The following SMYD3 variants were observed in gnomAD, a reference collection of about 807,000 sequenced individuals.
SMYD3 encodes SET and MYND domain containing 3, also known as histone-lysine N-methyltransferase SMYD3.
Under a neutral mutation model 57.7 loss-of-function variants are expected in SMYD3, and 36 were observed. The ratio of observed to expected loss-of-function variants is 0.62; its 90% confidence interval spans 0.48 to 0.82. The LOEUF (loss-of-function observed/expected upper bound fraction) is 0.82, where lower values mean the gene tolerates loss of function less well. SMYD3 is among the 40% of genes least tolerant of loss of function. SMYD3 has a pLI of 0.00. For synonymous variants in SMYD3, 211 were observed against 195.0 expected, an observed-to-expected ratio of 1.08 and a Z score of -0.68; for missense variants, 515 against 538.8, an observed-to-expected ratio of 0.96 and a Z score of 0.44.
At chr1:246,380,955 T>C (rs994164064) in intron 1 of SMYD3, among the ~76,000 whole-genome samples, 5 of 152,174 alleles carry the variant, frequency 3.3e-5, no homozygotes, top group African/African-American at 1.2e-4. Flanking sequence ...GTCAGATGGA[T>C]GCTCAATTCG....
At chr1:245,957,491 G>T in intron 5 of SMYD3, among the ~76,000 whole-genome samples, 1 of 152,162 alleles carries the variant, frequency 6.6e-6, no homozygotes, top group Non-Finnish European at 1.5e-5. Flanking sequence ...GTTTCTCTCA[G>T]CATGCACTTC....
intron 1 of SMYD3, among the ~76,000 whole-genome samples, chr1:246,494,851 A>G (rs1366326073): frequency 6.6e-6 from 1 of 152,218 alleles, no homozygotes; most frequent in African/African-American, 2.4e-5. Flanking sequence ...TAAACAGAAC[A>G]TGCTAATGTC....
intron 7 of SMYD3, among the ~76,000 whole-genome samples, chr1:245,918,584 G>C (rs2055624278): frequency 1.3e-5 from 2 of 152,202 alleles, no homozygotes; most frequent in African/African-American, 4.8e-5. Context: ...ACCTATACCA[G>C]GCAAGTTCCT....
At chr1:246,223,848 T>C (rs1339250785) in intron 5 of SMYD3, among the ~76,000 whole-genome samples, 1 of 152,194 alleles carries the variant, frequency 6.6e-6, no homozygotes, top group Non-Finnish European at 1.5e-5. Context: ...AATTACAATA[T>C]GCTGGAATTG....
At chr1:246,239,852 CA>C (rs2063576921) in intron 5 of SMYD3, among the ~76,000 whole-genome samples, 1 of 152,120 alleles carries the variant, frequency 6.6e-6, no homozygotes, top group South Asian at 2.1e-4. Context: ...TGATGATGAG[CA>C]CTTTTTATGT....
intron 5 of SMYD3, among the ~76,000 whole-genome samples, chr1:246,256,491 T>C (rs2063897069): frequency 1.3e-5 from 2 of 152,358 alleles, no homozygotes; most frequent in South Asian, 4.1e-4. Context: ...TAATAGTCTC[T>C]GAGGATCTTT....
chr1:246,090,117 T>A (rs1464662991), intron 5 of SMYD3, among the ~76,000 whole-genome samples: 1 of 152,106 alleles, frequency 6.6e-6, no homozygotes, highest in Admixed American at 6.5e-5. Context: ...AAGAATAAGG[T>A]GAAACTGTCT....
At position 246,273,575 on chromosome 1, in the gene SMYD3, C is replaced by CTTTTTTTTTTT. The variant is rs75025399; in HGVS notation, c.531+53615_531+53625dup. On this transcript the variant is annotated intron_variant, in intron 5 of 11. Transcript: ENST00000490107. ...GAACGCAGCTTTTGGTTTCACTAATCTTTTTTTTTTTTTTTTTTTTTTTTT... is the reference window on the plus strand; with the variant it reads ...GAACGCAGCTTTTGGTTTCACTAATCTTTTTTTTTTTTTTTTTTTTTTTTTTTTTTTTTTTT... Among the ~76,000 whole-genome samples, 5 of 84,386 alleles carry CTTTTTTTTTTT rather than the reference C, an allele frequency of 5.9e-5. 1 individual carries two copies. Among genetic ancestry groups the CTTTTTTTTTTT allele is most frequent in the African/African-American group, 9.7e-5 (2 of 20,722 alleles). The allele number at this position is 84,386 out of a possible 152,430, so 55.4% of individuals were successfully genotyped here.
chr1:246,216,676 AAAAT>A (rs1465540078), intron 5 of SMYD3, among the ~76,000 whole-genome samples: 3 of 152,178 alleles, frequency 2.0e-5, no homozygotes, highest in Admixed American at 6.5e-5. Flanking sequence ...AAAATGAAGA[AAAAT>A]AAAGGCATAA....
chr1:245,969,004 T>G (rs1233473586), intron 5 of SMYD3, among the ~76,000 whole-genome samples: 1 of 152,190 alleles, frequency 6.6e-6, no homozygotes. Context: ...CTGTGTCCTG[T>G]GGAGGCAACC....
chr1:246,000,835 A>G (rs1447512437), intron 5 of SMYD3, among the ~76,000 whole-genome samples: 2 of 152,248 alleles, frequency 1.3e-5, no homozygotes, highest in African/African-American at 2.4e-5. Context: ...GAACATATCT[A>G]TCAGTGAGTA....
At chr1:246,257,443 G>T (rs1459571569) in intron 5 of SMYD3, among the ~76,000 whole-genome samples, 1 of 152,130 alleles carries the variant, frequency 6.6e-6, no homozygotes, top group Admixed American at 6.5e-5. Flanking sequence ...TTTAAAGTTT[G>T]TTTTATCTGA....
chr1:246,167,869 G>A (rs1402191816), intron 5 of SMYD3, among the ~76,000 whole-genome samples: 2 of 152,136 alleles, frequency 1.3e-5, no homozygotes, highest in Non-Finnish European at 2.9e-5. Context: ...ATCTTTTCAC[G>A]TGCTTGTCGG....
At chr1:245,916,723 G>C (rs2055451804) in intron 7 of SMYD3, among the ~76,000 whole-genome samples, 2 of 152,020 alleles carry the variant, frequency 1.3e-5, no homozygotes, top group African/African-American at 4.8e-5. Flanking sequence ...TCTCACAACT[G>C]GTCTCTCTGA....
chr1:246,416,554 TAAA>T (rs35559952), intron 1 of SMYD3, among the ~76,000 whole-genome samples: 134 of 139,268 alleles, frequency 9.6e-4, no homozygotes, highest in East Asian at 1.7e-3. Flanking sequence ...CTGGGAAAAG[TAAA>T]AAAAAAAAAA....
intron 5 of SMYD3, among the ~76,000 whole-genome samples, chr1:246,000,141 T>C (rs1373229333): frequency 1.3e-5 from 2 of 152,194 alleles, no homozygotes; most frequent in Non-Finnish European, 2.9e-5. Flanking sequence ...GATGATAAGA[T>C]ATATAAATCA....
chr1:246,290,434 G>T (rs1380559034), intron 5 of SMYD3, among the ~76,000 whole-genome samples: 1 of 152,172 alleles, frequency 6.6e-6, no homozygotes, highest in Non-Finnish European at 1.5e-5. Flanking sequence ...AACTCCTTAA[G>T]TATGACTTCT....
chr1:246,009,175 G>A (rs1183089793), intron 5 of SMYD3, among the ~76,000 whole-genome samples: 2 of 152,212 alleles, frequency 1.3e-5, no homozygotes, highest in Admixed American at 6.5e-5. Flanking sequence ...CACGCTCAAA[G>A]TACTTTAATA....
chr1:246,477,703 A>G (rs1309541695), intron 1 of SMYD3, among the ~76,000 whole-genome samples: 2 of 152,238 alleles, frequency 1.3e-5, no homozygotes, highest in African/African-American at 2.4e-5. Context: ...TTATTGAATC[A>G]CCTAGTAACT....
Sources: allele counts gnomAD v4.1 joint callset (sites outside exome capture counted in the v4.1 genomes callset), GRCh38; gene constraint gnomAD v4.1.1; transcripts MANE v1.5; gene names NCBI Gene and HGNC (gene_info 2026-07-23, HGNC 2026-07-21).